CLASP1: variants seen among roughly 807,000 people sequenced by gnomAD.
The protein encoded by CLASP1 is cytoplasmic linker associated protein 1.
CLASP1 carries 38 observed loss-of-function variants against 192.3 expected under a neutral mutation model. That is an observed-to-expected ratio of 0.20 (90% CI 0.15 to 0.26). CLASP1 has a LOEUF of 0.26. Among genes scored for constraint, CLASP1 ranks in the 10% least tolerant of loss-of-function variants. The pLI, the probability that CLASP1 is intolerant of heterozygous loss-of-function variation, is 1.00. For missense variants in CLASP1, 1,433 were observed against 1,932.5 expected (o/e 0.74, Z 4.85); for synonymous variants, 691 against 712.8 (o/e 0.97, Z 0.49).
chr2:121,628,797 A>T (rs937327330), intron 1 of CLASP1, among the ~76,000 whole-genome samples: 16 of 152,168 alleles, frequency 1.1e-4, no homozygotes, highest in African/African-American at 3.9e-4. Context: ...CAACCAGTTC[A>T]AAATCTAAGA....
intron 1 of CLASP1, among the ~76,000 whole-genome samples, chr2:121,630,596 G>A (rs1031001673): frequency 6.6e-6 from 1 of 152,158 alleles, no homozygotes; most frequent in Non-Finnish European, 1.5e-5. Flanking sequence ...GGGCATGGTG[G>A]CTCACGCCTA....
At chr2:121,521,464 T>C (rs535406910) in intron 6 of CLASP1, among the ~76,000 whole-genome samples, 2 of 152,306 alleles carry the variant, frequency 1.3e-5, no homozygotes, top group East Asian at 3.9e-4. Context: ...GCACACAGGC[T>C]GAGGTGCCCA....
chr2:121,441,216 T>C (rs1283083911), intron 19 of CLASP1, among the ~76,000 whole-genome samples: 3 of 152,206 alleles, frequency 2.0e-5, no homozygotes, highest in Non-Finnish European at 4.4e-5. Context: ...TTCTAGCAAA[T>C]TCCCAAATTA....
chr2:121,517,098 G>A (rs939207465), intron 6 of CLASP1, among the ~76,000 whole-genome samples: 2 of 152,228 alleles, frequency 1.3e-5, no homozygotes, highest in South Asian at 2.1e-4. Context: ...GTCTGTATAT[G>A]TATGTATGTG....
intron 1 of CLASP1, among the ~76,000 whole-genome samples, chr2:121,611,759 TGGAGGA>T (rs1288937666): frequency 3.7e-5 from 4 of 107,718 alleles, no homozygotes; most frequent in Non-Finnish European, 7.8e-5. Flanking sequence ...AAAGAGGAAC[TGGAGGA>T]GGAGGAGGAG....
chr2:121,431,035 C>T (rs897081092), intron 19 of CLASP1, among the ~76,000 whole-genome samples: 2 of 151,438 alleles, frequency 1.3e-5, no homozygotes, highest in African/African-American at 4.9e-5. Flanking sequence ...CCTCTCCGGC[C>T]GTAACTCAAT....
At chr2:121,647,903 T>A (rs2073471832) in intron 1 of CLASP1, among the ~76,000 whole-genome samples, 1 of 152,178 alleles carries the variant, frequency 6.6e-6, no homozygotes, top group Non-Finnish European at 1.5e-5. Context: ...ACTTTAGAAG[T>A]CTAAAATGGT....
At chr2:121,573,792 T>C (rs977012911) in intron 2 of CLASP1, among the ~76,000 whole-genome samples, 2 of 152,212 alleles carry the variant, frequency 1.3e-5, no homozygotes, top group Non-Finnish European at 2.9e-5. Context: ...TATAACTGCA[T>C]GTGAATCTAT....
intron 1 of CLASP1, among the ~76,000 whole-genome samples, chr2:121,629,144 A>G (rs1237975113): frequency 6.6e-6 from 1 of 152,146 alleles, no homozygotes; most frequent in African/African-American, 2.4e-5. Flanking sequence ...TAATCCCAGC[A>G]CTTTGGGAGG....
rs1218105918 is a variant in CLASP1, at chr2:121,363,166, A to T, written c.4206+6T>A. ...TTCAGCACCCCTGGCCACATGACTG[A>T]CTCACCTCCTTATGGGAGTCTTTGT... On this transcript the variant is annotated splice_donor_region_variant and intron_variant, in intron 37 of 39. Coordinates refer to ENST00000263710, the Ensembl canonical transcript of CLASP1. 6.2e-7 allele frequency: 1 copy of T among 1,613,794 alleles called. No homozygotes were observed. Among genetic ancestry groups the T allele is most frequent in the African/African-American group, 1.3e-5 (1 of 74,998 alleles).
Position 121,446,881 on chromosome 2 carries a change from C to T in CLASP1, c.1912+456G>A, listed in dbSNP as rs557781865. Among the ~76,000 whole-genome samples, 20 of 152,302 alleles carry T rather than the reference C, an allele frequency of 1.3e-4. No individual in the cohort carries two copies. The South Asian group carries it at 4.1e-3, about 32-fold the overall frequency. On this transcript the variant is annotated intron_variant, in intron 19 of 39. Transcript: ENST00000263710. ...CCTCCTGCCATTCCCCACAACCCAA[C>T]CCGATTATCCCTGCCAGCTCTGGTT...
chr2:121,418,442 C>T (rs761520791), intron 23 of CLASP1, among the ~76,000 whole-genome samples, 180 bp downstream of exon 23: 61 of 152,028 alleles, frequency 4.0e-4, no homozygotes, highest in Non-Finnish European at 4.9e-4. Context: ...TATAAAAATT[C>T]GAAGTTGCCA....
chr2:121,590,867 A>G (rs1246788515), intron 2 of CLASP1, among the ~76,000 whole-genome samples: 2 of 135,732 alleles, frequency 1.5e-5, no homozygotes, highest in Non-Finnish European at 3.1e-5. Flanking sequence ...AAATTATTTG[A>G]TTTTTTTTTT....
intron 6 of CLASP1, among the ~76,000 whole-genome samples, chr2:121,525,155 T>C (rs996662222): frequency 6.6e-6 from 1 of 152,136 alleles, no homozygotes; most frequent in Non-Finnish European, 1.5e-5. Flanking sequence ...TCAGTTTGTA[T>C]GAGATGACAT....
At chr2:121,562,320 T>C (rs2059160296) in intron 2 of CLASP1, among the ~76,000 whole-genome samples, 1 of 152,200 alleles carries the variant, frequency 6.6e-6, no homozygotes, top group Non-Finnish European at 1.5e-5. Flanking sequence ...AGGATTTGAG[T>C]TCTTCAGAGG....
At chr2:121,517,732 A>G (rs1243389946) in intron 6 of CLASP1, among the ~76,000 whole-genome samples, 1 of 151,916 alleles carries the variant, frequency 6.6e-6, no homozygotes, top group Non-Finnish European at 1.5e-5. Context: ...GTTGGTACTC[A>G]GCTACAGTCC....
At chr2:121,599,727 C>T (rs1037566304) in intron 2 of CLASP1, among the ~76,000 whole-genome samples, 1 of 151,486 alleles carries the variant, frequency 6.6e-6, no homozygotes, top group African/African-American at 2.4e-5. Flanking sequence ...ACCAGCCTGG[C>T]CAACATGGCG....
At chr2:121,501,741 G>T (rs769241574) in intron 8 of CLASP1, among the ~76,000 whole-genome samples, 1 of 152,146 alleles carries the variant, frequency 6.6e-6, no homozygotes, top group African/African-American at 2.4e-5. Flanking sequence ...AGACTTGCAT[G>T]CTATTACCTG....
Position 121,370,977 on chromosome 2 carries a change from A to G in CLASP1, c.3643-3146T>C, listed in dbSNP as rs1486322890. Among the ~76,000 whole-genome samples the G allele has an allele frequency of 5.3e-5, 8 of 152,240 alleles. No homozygotes were observed. In the South Asian group the frequency reaches 1.7e-3, roughly 32 times the overall value. ...GAATCATTGAGAAGCCACAACTCAC[A>G]CAGGAACTGACGGAAAAGCACTCAT... On this transcript the variant is annotated intron_variant, in intron 34 of 39. Coordinates refer to ENST00000263710, the Ensembl canonical transcript of CLASP1.
Sources: gnomAD v4.1 joint callset for allele counts (sites outside exome capture counted in the v4.1 genomes callset) on GRCh38, gnomAD v4.1.1 for gene constraint, MANE v1.5 for transcripts, NCBI Gene and HGNC (gene_info 2026-07-23, HGNC 2026-07-21) for gene names.